The following TDRD3 variants were observed in gnomAD, a reference collection of about 807,000 sequenced individuals.
The protein encoded by TDRD3 is tudor domain containing 3, also known as tudor domain-containing protein 3.
Under a neutral mutation model 86.7 loss-of-function variants are expected in TDRD3, and 45 were observed. The observed-to-expected ratio is 0.52, with a 90% CI of 0.41 to 0.67. TDRD3 has a LOEUF of 0.67. TDRD3 is among the 30% of genes least tolerant of loss of function. TDRD3 has a pLI of 0.00. For missense variants in TDRD3, 814 were observed against 889.0 expected, an observed-to-expected ratio of 0.92 and a Z score of 1.07; for synonymous variants, 298 against 301.7, an observed-to-expected ratio of 0.99 and a Z score of 0.13.
At chr13:60,468,954 TTTTGGTA>T (rs955458709) in intron 5 of TDRD3, among the ~76,000 whole-genome samples, 2 of 152,176 alleles carry the variant, frequency 1.3e-5, no homozygotes, top group Admixed American at 1.3e-4. Flanking sequence ...TATTTCAAGC[TTTTGGTA>T]TTTTGTGATA....
chr13:60,555,945 G>C (rs958351292), intron 12 of TDRD3, among the ~76,000 whole-genome samples: 2 of 148,530 alleles, frequency 1.3e-5, no homozygotes, highest in African/African-American at 5.0e-5. Flanking sequence ...CCACCTCCCA[G>C]GTTCACGCCA....
intron 1 of TDRD3, among the ~76,000 whole-genome samples, chr13:60,401,936 G>T (rs978212353): frequency 5.9e-5 from 9 of 151,972 alleles, no homozygotes; most frequent in African/African-American, 2.2e-4. Flanking sequence ...GGGATAAATA[G>T]AAAAAAATAA....
intron 8 of TDRD3, among the ~76,000 whole-genome samples, chr13:60,509,155 C>T (rs1450422734): frequency 6.6e-6 from 1 of 152,034 alleles, no homozygotes; most frequent in South Asian, 2.1e-4. Flanking sequence ...TGTTTATACT[C>T]CTTAAGTGGT....
intron 3 of TDRD3, among the ~76,000 whole-genome samples, chr13:60,447,255 G>A (rs1955424837): frequency 1.3e-5 from 2 of 152,116 alleles, no homozygotes; most frequent in Non-Finnish European, 2.9e-5. Context: ...ATTGAGGGTG[G>A]AGAGGCATTA....
Position 60,402,247 on chromosome 13 carries a change from A to G in TDRD3, c.41+4842A>G, listed in dbSNP as rs185628559. 3.0e-4 allele frequency among the ~76,000 whole-genome samples: 46 copies of G among 152,332 alleles called. 1 individual carries two copies. The highest frequency in any genetic ancestry group is 5.9e-4 in the Non-Finnish European group (40 of 68,034). On this transcript the variant is annotated intron_variant, in intron 1 of 13. Transcript: ENST00000377881. ...GTTTGGTTCTAGTTTTCTTAGAGAC[A>G]CACCTTTTTTCCAGGAGATTGCTGG...
intron 11 of TDRD3, among the ~76,000 whole-genome samples, chr13:60,531,138 G>A (rs888980737): frequency 6.6e-6 from 1 of 152,152 alleles, no homozygotes; most frequent in Non-Finnish European, 1.5e-5. Context: ...AGCACTGGGT[G>A]TCTTTTCTTT....
In TDRD3 at chr13:60,435,918, G is replaced by GTTTTTTTTTTT. The variant is rs767705603; in HGVS notation, c.42-3767_42-3757dup. Among the ~76,000 whole-genome samples, 48 of 124,790 alleles carry GTTTTTTTTTTT rather than the reference G, an allele frequency of 3.8e-4. 1 individual carries two copies. The Middle Eastern group carries it at 0.014, about 36-fold the overall frequency. 81.9% of individuals were successfully genotyped at this position (124,790 alleles called of 152,430 possible). A position where few individuals can be genotyped will look rare whatever the true frequency, so the allele number is the denominator to read the frequency against. ...AAACCACATCATGACAACATCTATG[G>GTTTTTTTTTTT]TTTTTTTTTTTTTACTTTTTAATTA... On this transcript the variant is annotated intron_variant, in intron 1 of 13. Coordinates refer to ENST00000377881, the MANE Select transcript of TDRD3 (RefSeq NM_001146070.2).
At chr13:60,514,528 G>C (rs890277422) in intron 10 of TDRD3, among the ~76,000 whole-genome samples, 13 of 152,162 alleles carry the variant, frequency 8.5e-5, no homozygotes, top group African/African-American at 3.1e-4. Flanking sequence ...CACACTGACA[G>C]ATTCAGGAAA....
intron 11 of TDRD3, among the ~76,000 whole-genome samples, chr13:60,529,465 A>G (rs1483882327): frequency 6.6e-6 from 1 of 152,192 alleles, no homozygotes. Flanking sequence ...ATGCCAGAAA[A>G]GTATTGTAAA....
chr13:60,512,371 G>T (rs748671261), intron 10 of TDRD3, among the ~76,000 whole-genome samples: 10 of 151,592 alleles, frequency 6.6e-5, no homozygotes, highest in African/African-American at 2.2e-4. Context: ...AAACCATATC[G>T]TTCCACCCCC....
At chr13:60,545,017 G>C (rs150504982) in intron 12 of TDRD3, among the ~76,000 whole-genome samples, 1 of 152,140 alleles carries the variant, frequency 6.6e-6, no homozygotes, top group Non-Finnish European at 1.5e-5. Context: ...CAGACACCAA[G>C]CCTGTACATG....
intron 3 of TDRD3, among the ~76,000 whole-genome samples, chr13:60,447,058 G>T (rs1365990227): frequency 3.9e-5 from 6 of 152,144 alleles, no homozygotes; most frequent in African/African-American, 9.7e-5. Context: ...CCAGATTTTG[G>T]TATAAAATGA....
intron 8 of TDRD3, among the ~76,000 whole-genome samples, chr13:60,501,990 G>A (rs935492433): frequency 5.9e-5 from 9 of 152,176 alleles, no homozygotes; most frequent in Non-Finnish European, 8.8e-5. Flanking sequence ...CCAGTTAGAA[G>A]GTGGTAACGT....
chr13:60,547,248 G>A, intron 12 of TDRD3: 2 of 985,408 alleles, frequency 2.0e-6, no homozygotes, highest in Non-Finnish European at 2.4e-6. Context: ...CCCAAGGCTG[G>A]AAAACATTTT....
chr13:60,485,866 T>C lies in TDRD3; in HGVS notation c.635T>C (p.Met212Thr). 1 of 1,611,332 alleles carries C rather than the reference T, an allele frequency of 6.2e-7. No individual in the cohort carries two copies. The highest frequency in any genetic ancestry group is 8.5e-7 in the Non-Finnish European group (1 of 1,178,854). Residue 212 changes from methionine to threonine, a missense_variant, in exon 7 of 14, where the codon ATG (methionine) becomes ACG (threonine). Met to Thr is a moderately conservative substitution (Grantham distance 81). Transcript: ENST00000377881. ...LDRRKTLQVT[M>T]PVKPTNDNDE... ...CGAAGAAAAACATTGCAAGTTACAA[T>C]GCCTGTCAAACCTACAAATGATAAT...
intron 7 of TDRD3, among the ~76,000 whole-genome samples, chr13:60,492,913 TTTTC>T (rs1360019351): frequency 1.6e-5 from 2 of 124,038 alleles, no homozygotes; most frequent in African/African-American, 2.5e-5. Flanking sequence ...ATTTTCTTTC[TTTTC>T]TTTTTTTTTT....
chr13:60,447,471 A>G (rs1028548419), intron 3 of TDRD3, among the ~76,000 whole-genome samples: 1 of 152,218 alleles, frequency 6.6e-6, no homozygotes, highest in Non-Finnish European at 1.5e-5. Flanking sequence ...AGTACAATGC[A>G]TATGGCAAGC....
At chr13:60,534,927 CA>C (rs75394722) in intron 11 of TDRD3, among the ~76,000 whole-genome samples, 180 bp from the exon 12 acceptor site, 166 of 54,732 alleles carry the variant, frequency 3.0e-3, no homozygotes, top group South Asian at 0.013. Flanking sequence ...GACCCTGTCT[CA>C]AAAAAAAAAA....
At chr13:60,416,888 C>T (rs368032575) in intron 1 of TDRD3, among the ~76,000 whole-genome samples, 2 of 152,058 alleles carry the variant, frequency 1.3e-5, no homozygotes, top group African/African-American at 2.4e-5. Context: ...TCTCATCATT[C>T]GTTGTCTTTT....
Sources: gnomAD v4.1 joint callset for allele counts (sites outside exome capture counted in the v4.1 genomes callset) on GRCh38, gnomAD v4.1.1 for gene constraint, MANE v1.5 for transcripts, NCBI Gene and HGNC (gene_info 2026-07-23, HGNC 2026-07-21) for gene names.